ADAM18: variants seen among roughly 807,000 people sequenced by gnomAD.
ADAM18 encodes the protein disintegrin and metalloproteinase domain-containing protein 18.
A neutral mutation model predicts 94.4 loss-of-function variants in ADAM18; 117 were observed. The ratio of observed to expected loss-of-function variants is 1.24; its 90% CI spans 1.07 to 1.45. ADAM18 has a LOEUF of 1.45. Among genes scored for constraint, ADAM18 ranks in the 40% most tolerant of loss-of-function variants. The pLI, the probability that ADAM18 is intolerant of heterozygous loss-of-function variation, is 0.00. For synonymous variants in ADAM18, 327 were observed against 291.6 expected, an observed-to-expected ratio of 1.12 and a Z score of -1.24; for missense variants, 936 against 880.0, an observed-to-expected ratio of 1.06 and a Z score of -0.81.
At chr8:39,724,009 C>T in intron 19 of ADAM18, 102 bp downstream of exon 19, 1 of 759,938 alleles carries the variant, frequency 1.3e-6, no homozygotes, top group Non-Finnish European at 1.9e-6. Context: ...CTTAAATATA[C>T]TATTTTAAAT....
chr8:39,639,649 T>G (rs985134467), intron 10 of ADAM18, among the ~76,000 whole-genome samples: 1 of 152,124 alleles, frequency 6.6e-6, no homozygotes, highest in African/African-American at 2.4e-5. Context: ...AGTAATGAAC[T>G]AAGATTTTAA....
At chr8:39,678,945 A>G (rs1490446273) in intron 15 of ADAM18, among the ~76,000 whole-genome samples, 1 of 152,214 alleles carries the variant, frequency 6.6e-6, no homozygotes, top group Non-Finnish European at 1.5e-5. Flanking sequence ...ACTTGGAGGA[A>G]GAATTTGTAC....
intron 6 of ADAM18, among the ~76,000 whole-genome samples, chr8:39,615,585 A>G (rs960605475): frequency 4.7e-4 from 72 of 152,200 alleles, no homozygotes; most frequent in African/African-American, 1.6e-3. Flanking sequence ...TGAGTCATCT[A>G]TGACAAACCC....
chr8:39,708,215 C>A (rs1822293507), intron 18 of ADAM18, among the ~76,000 whole-genome samples: 1 of 152,142 alleles, frequency 6.6e-6, no homozygotes, highest in Non-Finnish European at 1.5e-5. Context: ...GCAACCAAAA[C>A]TGTAGATAAG....
chr8:39,602,402 A>G (rs1818933182), intron 2 of ADAM18, among the ~76,000 whole-genome samples: 1 of 152,068 alleles, frequency 6.6e-6, no homozygotes, highest in African/African-American at 2.4e-5. Flanking sequence ...TTTGACTTGC[A>G]TTACTCTTAT....
chr8:39,710,808 T>C lies in ADAM18; in HGVS notation c.2017+3904T>C, dbSNP rs149212370. Among the ~76,000 whole-genome samples, 392 of 152,252 alleles carry C rather than the reference T, an allele frequency of 2.6e-3. 2 individuals carry two copies. Among genetic ancestry groups the C allele is most frequent in the African/African-American group, 8.9e-3 (370 of 41,556 alleles). On this transcript the variant is annotated intron_variant, in intron 18 of 19. Transcript: ENST00000265707. ...ATATAACAAGTATGTTTAGAACAAATGACAGAGCAGAAAATAACTAGGAAT... is the reference window on the plus strand; with the variant it reads ...ATATAACAAGTATGTTTAGAACAAACGACAGAGCAGAAAATAACTAGGAAT...
chr8:39,601,829 G>A (rs149554663), intron 2 of ADAM18, among the ~76,000 whole-genome samples: 1 of 152,060 alleles, frequency 6.6e-6, no homozygotes, highest in African/African-American at 2.4e-5. Flanking sequence ...TAATTTCCTT[G>A]ATGGCCTTCC....
At chr8:39,691,921 A>T (rs1213923572) in intron 16 of ADAM18, among the ~76,000 whole-genome samples, 1 of 149,672 alleles carries the variant, frequency 6.7e-6, no homozygotes, top group Non-Finnish European at 1.5e-5. Context: ...AGTAATTAAA[A>T]AGCTAATTTT....
intron 6 of ADAM18, among the ~76,000 whole-genome samples, chr8:39,617,920 CCT>C (rs1267523258): frequency 1.3e-5 from 2 of 152,002 alleles, no homozygotes; most frequent in Non-Finnish European, 2.9e-5. Flanking sequence ...ACATTAAACC[CCT>C]GTGACATGCA....
At chr8:39,639,165 A>G (rs1171058107) in intron 10 of ADAM18, among the ~76,000 whole-genome samples, 1 of 151,942 alleles carries the variant, frequency 6.6e-6, no homozygotes, top group African/African-American at 2.4e-5. Flanking sequence ...TTTATAGCAC[A>G]ATTAATTTTT....
chr8:39,601,127 G>A lies in ADAM18; in HGVS notation c.133-5180G>A, dbSNP rs765460263. ...ACACTTTTAAACAACCAAATCTCGC[G>A]ATAACTATCACAAGAACAGCACCAA... On this transcript the variant is annotated intron_variant, in intron 2 of 19. Transcript: ENST00000265707. Among the ~76,000 whole-genome samples, 7 of 152,218 alleles carry A rather than the reference G, an allele frequency of 4.6e-5. No individual in the cohort carries two copies. In the East Asian group the frequency reaches 5.8e-4, roughly 13 times the overall value.
In ADAM18 at chr8:39,648,539, A is replaced by AGAT. The variant is rs754365831; in HGVS notation, c.1230+13_1230+15dup. ...GTGGTAATAAAAATGTGAGTAACAA[A>AGAT]GATTGAAACTCGAGCACAATTTTTA... On this transcript the variant is annotated intron_variant, in intron 12 of 19. Coordinates refer to ENST00000265707, the MANE Select transcript of ADAM18 (RefSeq NM_014237.3). 3.2e-6 allele frequency: 5 copies of AGAT among 1,585,258 alleles called. No individual in the cohort carries two copies. The South Asian group carries it at 5.8e-5, about 19-fold the overall frequency.
intron 2 of ADAM18, among the ~76,000 whole-genome samples, chr8:39,604,233 C>T (rs1386765434): frequency 6.6e-6 from 1 of 152,008 alleles, no homozygotes; most frequent in Non-Finnish European, 1.5e-5. Flanking sequence ...TAAAAAATTA[C>T]AAAAAAACAT....
intron 14 of ADAM18, among the ~76,000 whole-genome samples, chr8:39,673,028 G>A (rs1304963032): frequency 1.3e-5 from 2 of 152,080 alleles, no homozygotes; most frequent in East Asian, 1.9e-4. Context: ...CCCTCAGTGG[G>A]GCTTTAATGT....
chr8:39,623,813 G>C (rs9720232), intron 6 of ADAM18, among the ~76,000 whole-genome samples: 37,098 of 152,032 alleles, frequency 0.24, 4,804 homozygotes, highest in East Asian at 0.48. Flanking sequence ...AGCCAGGATG[G>C]TGTTGATCTC....
At chr8:39,606,529 T>A (rs2129578350) in intron 3 of ADAM18, among the ~76,000 whole-genome samples, 167 bp downstream of exon 3, 1 of 152,328 alleles carries the variant, frequency 6.6e-6, no homozygotes, top group Non-Finnish European at 1.5e-5. Flanking sequence ...GAATATCAGA[T>A]CTATAGAGCT....
At chr8:39,591,173 T>C (rs2129458027) in intron 2 of ADAM18, among the ~76,000 whole-genome samples, 1 of 152,356 alleles carries the variant, frequency 6.6e-6, no homozygotes, top group East Asian at 1.9e-4. Context: ...AGGCCTTGTC[T>C]GATGTTGATG....
intron 12 of ADAM18, among the ~76,000 whole-genome samples, chr8:39,661,070 T>C (rs1314487589): frequency 6.6e-6 from 1 of 151,894 alleles, no homozygotes; most frequent in Non-Finnish European, 1.5e-5. Context: ...TTACTGTGAT[T>C]GATCATTTAA....
chr8:39,607,774 G>A (rs59498534), intron 3 of ADAM18, among the ~76,000 whole-genome samples: 5,215 of 144,534 alleles, frequency 0.036, 236 homozygotes, highest in African/African-American at 0.11. Flanking sequence ...CTCATCTCTC[G>A]AATCTTAGAG....
Sources: gnomAD v4.1 joint callset for allele counts (sites outside exome capture counted in the v4.1 genomes callset) on GRCh38, gnomAD v4.1.1 for gene constraint, MANE v1.5 for transcripts, NCBI Gene and HGNC (gene_info 2026-07-23, HGNC 2026-07-21) for gene names.